The following PVT1 variants were observed in gnomAD, a reference collection of about 807,000 sequenced individuals.
PVT1 encodes CXCR4/PVT1 fusion.
chr8:128,055,190 C>T (rs1288090530), intron 4 of PVT1, among the ~76,000 whole-genome samples: 4 of 149,820 alleles, frequency 2.7e-5, no homozygotes, highest in Non-Finnish European at 5.9e-5. Context: ...CACCCACATA[C>T]ACACACATTC....
In PVT1 at chr8:128,071,620, GGCTACAGTGA is replaced by G. The variant is rs752552751; in HGVS notation, n.1114+1263_1114+1272del. Among the ~76,000 whole-genome samples, 57 of 151,844 alleles carry G rather than the reference GGCTACAGTGA, an allele frequency of 3.8e-4. 1 individual carries two copies. The highest frequency in any genetic ancestry group is 2.7e-3 in the East Asian group (14 of 5,172). On this transcript the variant is annotated intron_variant and non_coding_transcript_variant, in intron 5 of 10. Coordinates refer to ENST00000651587, the Ensembl canonical transcript of PVT1. ...GGATCGCTTGAGCCCAGGAGGTCAA[GGCTACAGTGA>G]GCTCTGATCATGCCATTGCTCTCCA... is the stretch of plus-strand genomic sequence containing the variant.
intron 2 of PVT1, among the ~76,000 whole-genome samples, chr8:127,880,231 A>G (rs1260279782): frequency 1.3e-5 from 2 of 152,220 alleles, no homozygotes; most frequent in Non-Finnish European, 2.9e-5. Context: ...GCACTGTGCT[A>G]GGAGCTAGCA....
At chr8:128,081,893 A>G (rs920879447) in intron 5 of PVT1, among the ~76,000 whole-genome samples, 2 of 152,214 alleles carry the variant, frequency 1.3e-5, no homozygotes, top group African/African-American at 4.8e-5. Flanking sequence ...TTGAGCCACC[A>G]GTCCTTGACT....
At chr8:128,020,371 G>A (rs13275108) in intron 4 of PVT1, among the ~76,000 whole-genome samples, 1 of 152,188 alleles carries the variant, frequency 6.6e-6, no homozygotes, top group East Asian at 1.9e-4. Context: ...GGCCCTTAAA[G>A]GCAGAGGTTT....
intron 3 of PVT1, among the ~76,000 whole-genome samples, chr8:127,982,911 A>G (rs1300517799): frequency 2.6e-5 from 4 of 152,286 alleles, no homozygotes; most frequent in Non-Finnish European, 5.9e-5. Flanking sequence ...ATGTGTGTCC[A>G]TGAGTACATC....
intron 2 of PVT1, chr8:127,855,356 C>T (rs890828236): frequency 1.0e-5 from 4 of 395,924 alleles, no homozygotes; most frequent in Admixed American, 4.4e-5. Flanking sequence ...GAATGGGTCC[C>T]GGTGTGCGGA....
chr8:128,012,677 T>C (rs1817327342), intron 4 of PVT1, among the ~76,000 whole-genome samples: 1 of 152,198 alleles, frequency 6.6e-6, no homozygotes, highest in Non-Finnish European at 1.5e-5. Flanking sequence ...AACTCATTCT[T>C]TCTTGCACTC....
intron 2 of PVT1, chr8:127,803,365 G>C (rs1192460504): frequency 6.6e-6 from 1 of 152,126 alleles, no homozygotes; most frequent in East Asian, 1.9e-4. Context: ...TCCTGACCTC[G>C]TGATCCGCCC....
At chr8:127,860,093 G>A (rs772840434) in intron 2 of PVT1, among the ~76,000 whole-genome samples, 3 of 152,164 alleles carry the variant, frequency 2.0e-5, no homozygotes, top group African/African-American at 2.4e-5. Flanking sequence ...TACCAGGAAC[G>A]GTGTGTGTGC....
intron 4 of PVT1, among the ~76,000 whole-genome samples, chr8:128,058,298 A>T (rs1347693749): frequency 6.6e-6 from 1 of 152,198 alleles, no homozygotes; most frequent in African/African-American, 2.4e-5. Flanking sequence ...ACGTCTTATT[A>T]TAAAACAGTA....
chr8:127,886,296 G>C (rs954175705), intron 2 of PVT1, among the ~76,000 whole-genome samples: 1 of 151,926 alleles, frequency 6.6e-6, no homozygotes, highest in African/African-American at 2.4e-5. Flanking sequence ...ACTTAGGTGT[G>C]ATTTAAAAAA....
At position 127,900,576 on chromosome 8, in the gene PVT1, T is replaced by G. The variant is rs865973051; in HGVS notation, n.782+9578T>G. 6.6e-5 allele frequency among the ~76,000 whole-genome samples: 10 copies of G among 152,230 alleles called. No homozygotes were observed. In the East Asian group the frequency reaches 1.9e-3, roughly 29 times the overall value. On this transcript the variant is annotated intron_variant and non_coding_transcript_variant, in intron 3 of 10. Transcript: ENST00000651587. ...CATAACGTATAAGATGTCTGCACTT[T>G]CCTCTTTTCTCCCGGCGCTATGCTG...
rs1490929524 is a variant in PVT1, at chr8:127,817,489, G to GTATATATATATATATATATATATA, written n.372+21419_372+21420insATATATATATATATATATATATAT. Among the ~76,000 whole-genome samples, 5 of 124,006 alleles carry GTATATATATATATATATATATATA rather than the reference G, an allele frequency of 4.0e-5. No individual in the cohort carries two copies. In the East Asian group the frequency reaches 9.1e-4, roughly 23 times the overall value. 81.4% of individuals were successfully genotyped at this position (124,006 alleles called of 152,430 possible). On this transcript the variant is annotated intron_variant and non_coding_transcript_variant, in intron 2 of 10. Transcript: ENST00000651587. ...TATATATATATATGTGTGTGTGTGT[G>GTATATATATATATATATATATATA]TGTATATACATATATATTTAAATAG...
At chr8:128,090,938 C>T (rs938454587) in intron 5 of PVT1, among the ~76,000 whole-genome samples, 8 of 152,084 alleles carry the variant, frequency 5.3e-5, no homozygotes, top group African/African-American at 1.2e-4. Context: ...TGCCAGGTTT[C>T]GAGTCTAGCT....
chr8:127,931,978 A>G (rs150051994), intron 3 of PVT1, among the ~76,000 whole-genome samples: 4 of 152,324 alleles, frequency 2.6e-5, no homozygotes, highest in Non-Finnish European at 5.9e-5. Context: ...TCCTCTGGAA[A>G]ACTTCACAGG....
chr8:127,997,115 C>G (rs1366581526), intron 4 of PVT1, among the ~76,000 whole-genome samples: 1 of 133,486 alleles, frequency 7.5e-6, no homozygotes, highest in Non-Finnish European at 1.5e-5. Flanking sequence ...AGTACAATGG[C>G]GTGATCTCAG....
chr8:128,011,581 A>C (rs1385911637), intron 4 of PVT1, among the ~76,000 whole-genome samples: 1 of 152,214 alleles, frequency 6.6e-6, no homozygotes, highest in Non-Finnish European at 1.5e-5. Flanking sequence ...GAACTGTAAG[A>C]AAATGAATTT....
intron 3 of PVT1, among the ~76,000 whole-genome samples, chr8:127,944,313 C>T (rs1448953807): frequency 1.3e-5 from 2 of 152,188 alleles, no homozygotes; most frequent in African/African-American, 4.8e-5. Flanking sequence ...AAGATCTAAA[C>T]TATAAAACCT....
At chr8:128,072,096 A>G (rs542036824) in intron 5 of PVT1, among the ~76,000 whole-genome samples, 11 of 152,312 alleles carry the variant, frequency 7.2e-5, no homozygotes, top group African/African-American at 2.6e-4. Flanking sequence ...AGAGGGGTCA[A>G]TTTGCCAAAA....
Sources: allele counts gnomAD v4.1 joint callset (sites outside exome capture counted in the v4.1 genomes callset), GRCh38; gene constraint gnomAD v4.1.1; transcripts MANE v1.5; gene names NCBI Gene and HGNC (gene_info 2026-07-23, HGNC 2026-07-21).